Variants in ZSCAN25 observed in about 807,000 individuals in gnomAD.
ZSCAN25 encodes the protein zinc finger and SCAN domain containing 25.
ZSCAN25 carries 27 observed loss-of-function variants against 38.7 expected under a neutral mutation model. That is an observed-to-expected ratio of 0.70 (90% confidence interval 0.51 to 0.96). The LOEUF (loss-of-function observed/expected upper bound fraction) is 0.96, where lower values mean the gene tolerates loss of function less well. Among genes scored for constraint, ZSCAN25 ranks in the 40% least tolerant of loss-of-function variants. The pLI, the probability that ZSCAN25 is intolerant of heterozygous loss-of-function variation, is 0.00. For synonymous variants in ZSCAN25, 273 were observed against 277.7 expected (o/e 0.98, Z 0.17); for missense variants, 637 against 705.9 (o/e 0.90, Z 1.11).
At position 99,620,022 on chromosome 7, in the gene ZSCAN25, G is replaced by A. The variant is rs144178113; in HGVS notation, c.387+29G>A. On this transcript the variant is annotated intron_variant, in intron 4 of 7. Transcript: ENST00000394152. ...GGTGAGGAGGGGATCCAGGTCTGGCGCCCTTGGCGTGGGCAGGGAATGTTA... is the reference window on the plus strand; with the variant it reads ...GGTGAGGAGGGGATCCAGGTCTGGCACCCTTGGCGTGGGCAGGGAATGTTA... The A allele has an allele frequency of 3.0e-4, 483 of 1,585,120 alleles. 1 individual carries two copies. The African/African-American group carries it at 5.7e-3, about 19-fold the overall frequency.
At chr7:99,736,574 C>T in the ZSCAN25 span, among the ~76,000 whole-genome samples, 1 of 152,134 alleles carries the variant, frequency 6.6e-6, no homozygotes, top group African/African-American at 2.4e-5. Flanking sequence ...TCTGTGTCTG[C>T]TTGGCCTGAG....
chr7:99,658,296 G>A, the ZSCAN25 span, among the ~76,000 whole-genome samples: 1 of 152,062 alleles, frequency 6.6e-6, no homozygotes, highest in Non-Finnish European at 1.5e-5. Context: ...AAATCTCTCA[G>A]CATTTGCTTG....
the ZSCAN25 span, among the ~76,000 whole-genome samples, chr7:99,699,466 TA>T: frequency 6.6e-6 from 1 of 151,940 alleles, no homozygotes; most frequent in African/African-American, 2.4e-5. Flanking sequence ...GGGTGGAAGT[TA>T]GGGGAGCAGG....
chr7:99,630,547 G>A lies in ZSCAN25; in HGVS notation c.*527G>A, dbSNP rs1015032010. ...GGGGTTGTGCGTTGGGGATGCATGCGACAGCCCATGACCCGAGGCATTCTC... is the reference window on the plus strand; with the variant it reads ...GGGGTTGTGCGTTGGGGATGCATGCAACAGCCCATGACCCGAGGCATTCTC... On this transcript the variant is annotated 3_prime_UTR_variant, in exon 8 of 8. Coordinates refer to ENST00000394152, the MANE Select transcript of ZSCAN25 (RefSeq NM_145115.3). The A allele has an allele frequency of 7.1e-6, 7 of 989,192 alleles. No homozygotes were observed. The highest frequency in any genetic ancestry group is 1.1e-4 in the East Asian group (1 of 8,882). The allele number at this position is 989,192 out of a possible 1,614,324, so 61.3% of individuals were successfully genotyped here. A position where few individuals can be genotyped will look rare whatever the true frequency, so the allele number is the denominator to read the frequency against.
downstream of ZSCAN25, among the ~76,000 whole-genome samples, chr7:99,634,851 A>G (rs539591128): frequency 8.5e-5 from 13 of 152,250 alleles, no homozygotes; most frequent in South Asian, 2.7e-3. Context: ...CTGAGGCAGG[A>G]GAATCACTTG....
rs1808031637 is a variant in ZSCAN25 at position 99,631,915 on chromosome 7, G to C, written c.*1895G>C. The C allele has an allele frequency of 2.0e-6, 2 of 985,356 alleles. No individual in the cohort carries two copies. Among genetic ancestry groups the C allele is most frequent in the Non-Finnish European group, 2.4e-6 (2 of 829,992 alleles). The allele number at this position is 985,356 out of a possible 1,614,324, so 61.0% of individuals were successfully genotyped here. Reference sequence around the variant, plus strand: ...AGCTTTTTTTCCCCCGTAATTATCAGAGCAGCTAGGCAGGGCTGACAGCCA... The same window carrying C: ...AGCTTTTTTTCCCCCGTAATTATCACAGCAGCTAGGCAGGGCTGACAGCCA... On this transcript the variant is annotated 3_prime_UTR_variant, in exon 8 of 8. Transcript: ENST00000394152.
At chr7:99,657,170 A>T in the ZSCAN25 span, among the ~76,000 whole-genome samples, 1 of 151,888 alleles carries the variant, frequency 6.6e-6, no homozygotes, top group Non-Finnish European at 1.5e-5. Context: ...TTTCATTGTG[A>T]TGTTAGGGTG....
At chr7:99,717,634 G>A in the ZSCAN25 span, 263 of 1,613,400 alleles carry the variant, frequency 1.6e-4, 1 homozygote, top group South Asian at 5.8e-4. Context: ...CCACTGGCCC[G>A]AAAGGCTAGA....
chr7:99,703,309 AC>A, the ZSCAN25 span, among the ~76,000 whole-genome samples: 1 of 152,114 alleles, frequency 6.6e-6, no homozygotes, highest in African/African-American at 2.4e-5. Flanking sequence ...AACCTTCTTA[AC>A]CCTGGCCCTG....
chr7:99,676,054 G>GGAATGGTCAAGAGAGGGAGGTA, the ZSCAN25 span: 2 of 1,461,260 alleles, frequency 1.4e-6, no homozygotes, highest in Non-Finnish European at 1.9e-6. Context: ...CATTTTTACT[G>GGAATGGTCAAGAGAGGGAGGTA]ATGGAACTAA....
the ZSCAN25 span, among the ~76,000 whole-genome samples, chr7:99,688,744 C>A: frequency 6.6e-6 from 1 of 152,032 alleles, no homozygotes; most frequent in African/African-American, 2.4e-5. Flanking sequence ...ACACCTATTC[C>A]AAAATTGACC....
chr7:99,635,701 A>G (rs1808247904), downstream of ZSCAN25, among the ~76,000 whole-genome samples: 1 of 152,212 alleles, frequency 6.6e-6, no homozygotes, highest in Non-Finnish European at 1.5e-5. Context: ...TTTAAGACAC[A>G]AAAAAGTGGC....
the ZSCAN25 span, among the ~76,000 whole-genome samples, chr7:99,711,781 A>AAC: frequency 1.3e-5 from 2 of 151,212 alleles, no homozygotes; most frequent in Non-Finnish European, 3.0e-5. Context: ...AAACAAAACA[A>AAC]AACAACAACA....
chr7:99,736,843 A>G, the ZSCAN25 span, among the ~76,000 whole-genome samples: 2 of 152,098 alleles, frequency 1.3e-5, no homozygotes, highest in Non-Finnish European at 2.9e-5. Flanking sequence ...AAGTGGGTGA[A>G]TGTCATGTGC....
the ZSCAN25 span, among the ~76,000 whole-genome samples, chr7:99,707,324 CT>C: frequency 5.9e-5 from 9 of 152,242 alleles, 2 homozygotes; most frequent in Middle Eastern, 0.027. Flanking sequence ...AAGCCACACT[CT>C]GGGCAAATTA....
the ZSCAN25 span, chr7:99,667,008 A>G: frequency 6.2e-7 from 1 of 1,614,120 alleles, no homozygotes; most frequent in African/African-American, 1.3e-5. Flanking sequence ...ATTCTCTTCC[A>G]TTCTTCATCC....
At chr7:99,632,989 G>GT (rs751799800), downstream of ZSCAN25, among the ~76,000 whole-genome samples, 1,953 of 128,486 alleles carry the variant, frequency 0.015, 69 homozygotes, top group African/African-American at 0.038. Flanking sequence ...ATTTTCTGTT[G>GT]TTTTTTTTTT....
chr7:99,672,728 A>T, the ZSCAN25 span: 1 of 1,611,050 alleles, frequency 6.2e-7, no homozygotes, highest in South Asian at 1.1e-5. Context: ...CCGATTCTGC[A>T]GCTGGAGCCA....
the ZSCAN25 span, among the ~76,000 whole-genome samples, chr7:99,654,757 T>G: frequency 6.6e-6 from 1 of 152,240 alleles, no homozygotes; most frequent in African/African-American, 2.4e-5. Context: ...GTTTCCTGAC[T>G]TTTTAATGAT....
Sources: allele counts gnomAD v4.1 joint callset (sites outside exome capture counted in the v4.1 genomes callset), GRCh38; gene constraint gnomAD v4.1.1; transcripts MANE v1.5; gene names NCBI Gene and HGNC (gene_info 2026-07-23, HGNC 2026-07-21).